Variants in SUPT3H observed in about 807,000 individuals in gnomAD.
The protein encoded by SUPT3H is SPT3 homolog, SAGA and STAGA complex component, also known as transcription initiation protein SPT3 homolog.
Under a neutral mutation model 44.3 loss-of-function variants are expected in SUPT3H, and 44 were observed. The ratio of observed to expected loss-of-function variants is 0.99; its 90% CI spans 0.78 to 1.28. The LOEUF is 1.28. SUPT3H is among the 50% of genes most tolerant of loss of function. SUPT3H has a pLI of 0.00. For synonymous variants in SUPT3H, 124 were observed against 125.6 expected, an observed-to-expected ratio of 0.99 and a Z score of 0.09; for missense variants, 380 against 387.1, an observed-to-expected ratio of 0.98 and a Z score of 0.15.
intron 5 of SUPT3H, among the ~76,000 whole-genome samples, chr6:45,013,372 A>G (rs1783777800): frequency 6.6e-6 from 1 of 151,524 alleles, no homozygotes; most frequent in Admixed American, 6.6e-5. Context: ...ACTTCCACAC[A>G]CTCTGTTCCA....
chr6:45,195,012 C>A (rs1815778111), intron 2 of SUPT3H, among the ~76,000 whole-genome samples: 1 of 152,060 alleles, frequency 6.6e-6, no homozygotes, highest in Non-Finnish European at 1.5e-5. Context: ...ATCTGTGAAT[C>A]TAATTCTTGA....
intron 3 of SUPT3H, among the ~76,000 whole-genome samples, chr6:45,045,144 A>G (rs920743803): frequency 6.6e-6 from 1 of 152,158 alleles, no homozygotes; most frequent in Admixed American, 6.5e-5. Context: ...AATCCATGCC[A>G]TAAAACAGAC....
At chr6:45,194,629 T>C (rs1044381266) in intron 2 of SUPT3H, among the ~76,000 whole-genome samples, 4 of 152,130 alleles carry the variant, frequency 2.6e-5, no homozygotes, top group African/African-American at 9.7e-5. Flanking sequence ...TACACACACA[T>C]ATGTATACAA....
chr6:44,943,508 T>C (rs1412364497), intron 9 of SUPT3H, among the ~76,000 whole-genome samples: 2 of 152,292 alleles, frequency 1.3e-5, no homozygotes, highest in Admixed American at 6.5e-5. Context: ...AGACATACAC[T>C]GTCTTTGATT....
At chr6:45,144,447 T>C (rs1008941184) in intron 2 of SUPT3H, among the ~76,000 whole-genome samples, 3 of 152,020 alleles carry the variant, frequency 2.0e-5, no homozygotes, top group Non-Finnish European at 4.4e-5. Context: ...ATTTGACAAG[T>C]CCAGCATCCC....
chr6:45,342,528 C>T (rs12205312), intron 2 of SUPT3H, among the ~76,000 whole-genome samples: 7 of 152,072 alleles, frequency 4.6e-5, no homozygotes, highest in Admixed American at 2.6e-4. Context: ...CAAAGTGCTG[C>T]GATTACACGC....
chr6:44,930,614 C>A (rs189135184), intron 10 of SUPT3H, among the ~76,000 whole-genome samples: 1 of 149,502 alleles, frequency 6.7e-6, no homozygotes, highest in Non-Finnish European at 1.5e-5. Context: ...TCTTGTAGTG[C>A]GCAAATTCTC....
intron 2 of SUPT3H, among the ~76,000 whole-genome samples, chr6:45,316,995 G>T (rs1784789183): frequency 6.6e-6 from 1 of 152,174 alleles, no homozygotes; most frequent in Non-Finnish European, 1.5e-5. Context: ...AGGAGGCCAA[G>T]GTGGGCGGAT....
At chr6:45,310,702 A>G (rs1301151382) in intron 2 of SUPT3H, among the ~76,000 whole-genome samples, 4 of 152,336 alleles carry the variant, frequency 2.6e-5, no homozygotes, top group South Asian at 2.1e-4. Flanking sequence ...TTTGGCTCAC[A>G]GGAAGCCATA....
intron 10 of SUPT3H, among the ~76,000 whole-genome samples, chr6:44,832,163 T>C (rs891104872): frequency 1.6e-4 from 24 of 152,130 alleles, no homozygotes; most frequent in Admixed American, 1.5e-3. Flanking sequence ...AACTTTGGCA[T>C]GCTTTCCAGA....
intron 3 of SUPT3H, among the ~76,000 whole-genome samples, chr6:45,073,835 G>A (rs1794685271): frequency 6.6e-6 from 1 of 151,948 alleles, no homozygotes; most frequent in Non-Finnish European, 1.5e-5. Flanking sequence ...GAGGGATACA[G>A]GATAGAAGTT....
At position 45,128,589 on chromosome 6, in the gene SUPT3H, C is replaced by CATAT. The variant is rs1183547786; in HGVS notation, c.102-22587_102-22584dup. On this transcript the variant is annotated intron_variant, in intron 2 of 10. Coordinates refer to ENST00000371459, the MANE Select transcript of SUPT3H (RefSeq NM_003599.4). ...ACACACACACACACACACACATACA[C>CATAT]ATATATATATATACACACATACACA... 6.4e-3 allele frequency among the ~76,000 whole-genome samples: 756 copies of CATAT among 117,906 alleles called. 7 individuals are homozygous for CATAT. The highest frequency in any genetic ancestry group is 0.013 in the South Asian group (44 of 3,476). The allele number at this position is 117,906 out of a possible 152,430, so 77.4% of individuals were successfully genotyped here.
At chr6:45,086,223 C>A (rs1796456634) in intron 3 of SUPT3H, among the ~76,000 whole-genome samples, 3 of 152,028 alleles carry the variant, frequency 2.0e-5, no homozygotes, top group Admixed American at 2.0e-4. Context: ...TATTGGCCAA[C>A]TATATTTCTG....
chr6:45,363,738 T>A (rs1045664303), intron 2 of SUPT3H, among the ~76,000 whole-genome samples: 3 of 152,090 alleles, frequency 2.0e-5, no homozygotes, highest in Non-Finnish European at 2.9e-5. Flanking sequence ...TAATTTAAAA[T>A]ATAGGCTCAC....
intron 2 of SUPT3H, among the ~76,000 whole-genome samples, chr6:45,296,097 A>C (rs1781146894): frequency 6.6e-6 from 1 of 152,054 alleles, no homozygotes; most frequent in Non-Finnish European, 1.5e-5. Flanking sequence ...CAACGAATGG[A>C]TAAGGAAATT....
chr6:45,257,249 T>C (rs1773558842), intron 2 of SUPT3H, among the ~76,000 whole-genome samples: 1 of 152,152 alleles, frequency 6.6e-6, no homozygotes, highest in Non-Finnish European at 1.5e-5. Flanking sequence ...ATTTTTACCA[T>C]AAGAAAAACT....
intron 2 of SUPT3H, among the ~76,000 whole-genome samples, chr6:45,124,659 A>G (rs1802163122): frequency 6.6e-6 from 1 of 151,772 alleles, no homozygotes; most frequent in African/African-American, 2.4e-5. Context: ...AGAAAGAAAA[A>G]TTATACTATT....
intron 3 of SUPT3H, among the ~76,000 whole-genome samples, chr6:45,042,243 T>C (rs990735532): frequency 2.0e-5 from 3 of 152,004 alleles, no homozygotes; most frequent in Non-Finnish European, 4.4e-5. Context: ...GCCAACATGG[T>C]GAAATCCTGT....
intron 2 of SUPT3H, among the ~76,000 whole-genome samples, chr6:45,169,984 GCCC>G (rs900777822): frequency 6.6e-6 from 1 of 152,200 alleles, no homozygotes; most frequent in Non-Finnish European, 1.5e-5. Context: ...ACAGGGCACA[GCCC>G]CAGGGGGTGG....
Sources: allele counts gnomAD v4.1 joint callset (sites outside exome capture counted in the v4.1 genomes callset), GRCh38; gene constraint gnomAD v4.1.1; transcripts MANE v1.5; gene names NCBI Gene and HGNC (gene_info 2026-07-23, HGNC 2026-07-21).